TMTC1: variants seen among roughly 807,000 people sequenced by gnomAD.
TMTC1 encodes protein O-mannosyl-transferase TMTC1.
In TMTC1, 73 loss-of-function variants were observed where a neutral mutation model predicts 104.8. That is an observed-to-expected ratio of 0.70 (90% CI 0.58 to 0.85). TMTC1 has a LOEUF of 0.85. TMTC1 is among the 40% of genes least tolerant of loss of function. TMTC1 has a pLI of 0.00. For synonymous variants in TMTC1, 434 were observed against 428.7 expected (o/e 1.01, Z -0.15); for missense variants, 1,035 against 1,096.1 (o/e 0.94, Z 0.79).
chr12:29,779,792 A>G (rs946887783), intron 1 of TMTC1, among the ~76,000 whole-genome samples: 3 of 151,938 alleles, frequency 2.0e-5, no homozygotes, highest in African/African-American at 7.2e-5. Flanking sequence ...GACAAAGTAC[A>G]TGTATCTAGA....
rs73077478 is a variant in TMTC1 at position 29,773,549 on chromosome 12, C to T, written c.303-5474G>A. 7.1e-3 allele frequency among the ~76,000 whole-genome samples: 1,086 copies of T among 152,282 alleles called. 10 individuals carry two copies. The highest frequency in any genetic ancestry group is 7.9e-3 in the Non-Finnish European group (537 of 68,024). ...AATCAAATGGCTCTACCTCAAGGAA[C>T]TGGCATAGGTCTGCAAACTGGGTAA... On this transcript the variant is annotated intron_variant, in intron 1 of 17. Coordinates refer to ENST00000539277, the MANE Select transcript of TMTC1 (RefSeq NM_001193451.2).
chr12:29,653,522 A>C (rs59478448), intron 5 of TMTC1, among the ~76,000 whole-genome samples: 2,581 of 152,252 alleles, frequency 0.017, 65 homozygotes, highest in African/African-American at 0.058. Flanking sequence ...TGTGATAAAG[A>C]TACAATGTCT....
chr12:29,599,902 A>ATG (rs1491464256), intron 7 of TMTC1, among the ~76,000 whole-genome samples: 1 of 144,606 alleles, frequency 6.9e-6, no homozygotes, highest in African/African-American at 2.8e-5. Flanking sequence ...GTATATATAC[A>ATG]TGTGTATATA....
intron 6 of TMTC1, among the ~76,000 whole-genome samples, chr12:29,617,550 G>GAGAGAGAGAGAGAC: frequency 6.6e-6 from 1 of 151,662 alleles, no homozygotes; most frequent in African/African-American, 2.4e-5. Context: ...GAGAGAGAGA[G>GAGAGAGAGAGAGAC]AGAGAGAGAG....
chr12:29,710,315 C>T (rs1201205939), intron 5 of TMTC1, among the ~76,000 whole-genome samples: 1 of 151,986 alleles, frequency 6.6e-6, no homozygotes, highest in Non-Finnish European at 1.5e-5. Context: ...TGCTCTTGCT[C>T]CCAGCTGCAT....
chr12:29,648,491 T>A (rs1939371046), intron 5 of TMTC1, among the ~76,000 whole-genome samples: 1 of 152,218 alleles, frequency 6.6e-6, no homozygotes, highest in East Asian at 1.9e-4. Context: ...TTCCCACCAC[T>A]CAGAATCAGC....
intron 6 of TMTC1, among the ~76,000 whole-genome samples, chr12:29,629,090 C>G (rs1330285841): frequency 6.6e-6 from 1 of 151,930 alleles, no homozygotes; most frequent in Non-Finnish European, 1.5e-5. Context: ...GAGGCCGAGG[C>G]AGGTGGATCA....
At chr12:29,683,759 C>T (rs1037938339) in intron 5 of TMTC1, among the ~76,000 whole-genome samples, 4 of 152,090 alleles carry the variant, frequency 2.6e-5, no homozygotes, top group Admixed American at 2.6e-4. Flanking sequence ...AATAGACTCT[C>T]CTAATTATTC....
intron 7 of TMTC1, among the ~76,000 whole-genome samples, chr12:29,584,628 TC>T (rs1225446819): frequency 6.6e-6 from 1 of 151,966 alleles, no homozygotes; most frequent in Non-Finnish European, 1.5e-5. Flanking sequence ...TGTGTGATGT[TC>T]CCCTTCCTGT....
chr12:29,593,029 A>G (rs983574784), intron 7 of TMTC1, among the ~76,000 whole-genome samples: 1 of 152,156 alleles, frequency 6.6e-6, no homozygotes, highest in Admixed American at 6.6e-5. Context: ...GAGGTTCACA[A>G]TGAGGAAAAG....
At chr12:29,571,198 C>T (rs1945666420) in intron 9 of TMTC1, among the ~76,000 whole-genome samples, 1 of 152,090 alleles carries the variant, frequency 6.6e-6, no homozygotes, top group Non-Finnish European at 1.5e-5. Flanking sequence ...CTGTGAGCAT[C>T]ATAGTATTTA....
At chr12:29,623,831 T>TA (rs796245541) in intron 6 of TMTC1, among the ~76,000 whole-genome samples, 2 of 64,122 alleles carry the variant, frequency 3.1e-5, no homozygotes, top group African/African-American at 1.3e-4. Flanking sequence ...ATAAATAAAT[T>TA]AAATTAAATT....
chr12:29,530,787 G>A (rs1565649773), intron 11 of TMTC1, among the ~76,000 whole-genome samples: 1 of 151,958 alleles, frequency 6.6e-6, no homozygotes, highest in Non-Finnish European at 1.5e-5. Context: ...TAGATCTCAT[G>A]ATTTTAAGTT....
intron 2 of TMTC1, 43 bp downstream of exon 2, chr12:29,767,855 C>A: frequency 6.4e-7 from 1 of 1,559,758 alleles, no homozygotes; most frequent in Non-Finnish European, 8.7e-7. Context: ...TATACATACA[C>A]ACATTCATAT....
intron 6 of TMTC1, among the ~76,000 whole-genome samples, chr12:29,627,341 A>G (rs1469068558): frequency 6.6e-6 from 1 of 152,226 alleles, no homozygotes; most frequent in East Asian, 1.9e-4. Context: ...GATGGCCAAT[A>G]AACATATGAA....
chr12:29,740,741 G>C (rs1258303527), intron 5 of TMTC1, among the ~76,000 whole-genome samples: 13 of 152,074 alleles, frequency 8.5e-5, no homozygotes, highest in Admixed American at 8.5e-4. Flanking sequence ...CATGGTGCTA[G>C]GATTGTATGC....
At chr12:29,767,409 C>G (rs1027060164) in intron 2 of TMTC1, among the ~76,000 whole-genome samples, 2 of 152,086 alleles carry the variant, frequency 1.3e-5, no homozygotes, top group African/African-American at 4.8e-5. Context: ...TACAGTTCTG[C>G]GTAATAAACA....
intron 10 of TMTC1, among the ~76,000 whole-genome samples, chr12:29,548,350 T>C (rs918142806): frequency 6.6e-6 from 1 of 152,156 alleles, no homozygotes; most frequent in African/African-American, 2.4e-5. Context: ...TGGAGAACTG[T>C]TTGTCAATTG....
intron 2 of TMTC1, among the ~76,000 whole-genome samples, chr12:29,767,685 T>C (rs541103985): frequency 5.9e-5 from 8 of 136,496 alleles, no homozygotes; most frequent in Admixed American, 2.5e-4. Context: ...CAAAATGCTT[T>C]ATATATAAAC....
Sources: gnomAD v4.1 joint callset for allele counts (sites outside exome capture counted in the v4.1 genomes callset) on GRCh38, gnomAD v4.1.1 for gene constraint, MANE v1.5 for transcripts, NCBI Gene and HGNC (gene_info 2026-07-23, HGNC 2026-07-21) for gene names.